The following SHMT1 variants were observed in gnomAD, a reference collection of about 807,000 sequenced individuals.
SHMT1 encodes the protein serine hydroxymethyltransferase, cytosolic.
Under a neutral mutation model 49.0 loss-of-function variants are expected in SHMT1, and 45 were observed. The observed-to-expected ratio is 0.92, with a 90% CI of 0.72 to 1.18. The LOEUF (loss-of-function observed/expected upper bound fraction) is 1.18, where lower values mean the gene tolerates loss of function less well. Ranked by LOEUF, SHMT1 falls within the 50% of genes most tolerant of loss-of-function variation. SHMT1 has a pLI of 0.00. For synonymous variants in SHMT1, 232 were observed against 246.6 expected (o/e 0.94, Z 0.55); for missense variants, 541 against 612.4 (o/e 0.88, Z 1.23).
At chr17:18,358,303 T>A (rs942398765) in intron 1 of SHMT1, among the ~76,000 whole-genome samples, 4 of 149,706 alleles carry the variant, frequency 2.7e-5, no homozygotes, top group African/African-American at 4.9e-5. Flanking sequence ...CATCCTGGCC[T>A]ACACGGTGAA....
Position 18,328,521 on chromosome 17 carries a change from A to C in SHMT1, c.*229T>G. Reference sequence around the variant, plus strand: ...AATTATGTCCAGCTGTGAGAAAGCCAGGTTCAAATTTAAATCCTTTAATAA... The same window carrying C: ...AATTATGTCCAGCTGTGAGAAAGCCCGGTTCAAATTTAAATCCTTTAATAA... On this transcript the variant is annotated 3_prime_UTR_variant, in exon 12 of 12. Coordinates refer to ENST00000316694, the MANE Select transcript of SHMT1 (RefSeq NM_004169.5). The C allele has an allele frequency of 3.5e-6, 2 of 569,492 alleles. No homozygotes were observed. The highest frequency in any genetic ancestry group is 4.2e-5 in the South Asian group (2 of 48,102). 35.3% of individuals were successfully genotyped at this position (569,492 alleles called of 1,614,324 possible). A position where few individuals can be genotyped will look rare whatever the true frequency, so the allele number is the denominator to read the frequency against.
At position 18,340,193 on chromosome 17, in the gene SHMT1, C is replaced by T. The variant is rs530339034; in HGVS notation, c.664G>A (p.Gly222Arg). The T allele has an allele frequency of 2.4e-5, 38 of 1,614,124 alleles. No homozygotes were observed. The highest frequency in any genetic ancestry group is 5.3e-5 in the African/African-American group (4 of 74,940). The change falls in exon 7 of 12, where the codon GGG (glycine) becomes AGG (arginine). Residue 222 changes from glycine (G) to arginine (R), a missense_variant. Gly to Arg is a moderately radical substitution (Grantham distance 125). Transcript: ENST00000316694. The surrounding 1 kb of genome is among the most constrained non-coding windows in gnomAD (Gnocchi z 4.5). Reference protein sequence around the residue: ...ARLRKIADENGAYLMADMAHI... With the variant: ...ARLRKIADENRAYLMADMAHI... Reference sequence around the variant, plus strand: ...GCCATGTCCGCCATGAGATACGCCCCGTTCTCATCTGCAATCTTCCGTAGC... The same window carrying T: ...GCCATGTCCGCCATGAGATACGCCCTGTTCTCATCTGCAATCTTCCGTAGC...
chr17:18,361,659 G>A (rs571552739), intron 1 of SHMT1, among the ~76,000 whole-genome samples: 10 of 151,452 alleles, frequency 6.6e-5, no homozygotes, highest in Non-Finnish European at 1.0e-4. Flanking sequence ...TGGTGGCGGC[G>A]CCTGTAGTCC....
At chr17:18,344,678 G>A (rs1056610637) in intron 5 of SHMT1, among the ~76,000 whole-genome samples, 8 of 148,632 alleles carry the variant, frequency 5.4e-5, no homozygotes, top group Non-Finnish European at 1.2e-4. Flanking sequence ...TTGAAAATGA[G>A]ACAAGAGAAC....
At chr17:18,338,403 G>T (rs1028005683) in intron 7 of SHMT1, among the ~76,000 whole-genome samples, 3 of 151,084 alleles carry the variant, frequency 2.0e-5, no homozygotes, top group East Asian at 2.0e-4. Flanking sequence ...GGAGGGAGGT[G>T]GGGGGCAGCC....
chr17:18,361,059 A>T (rs942102013), intron 1 of SHMT1, among the ~76,000 whole-genome samples: 1 of 152,066 alleles, frequency 6.6e-6, no homozygotes, highest in Non-Finnish European at 1.5e-5. Flanking sequence ...TAATCCAAGC[A>T]CTTTGGGAGG....
chr17:18,359,342 C>T (rs1382359073), intron 1 of SHMT1, among the ~76,000 whole-genome samples: 1 of 151,778 alleles, frequency 6.6e-6, no homozygotes, highest in African/African-American at 2.4e-5. Context: ...AGTTCAACCA[C>T]AGCCTAGGCA....
chr17:18,339,520 G>A (rs1984242502), intron 7 of SHMT1, among the ~76,000 whole-genome samples: 1 of 151,954 alleles, frequency 6.6e-6, no homozygotes, highest in African/African-American at 2.4e-5. Flanking sequence ...AGTGAAGCAG[G>A]AGCTGTGGCT....
At chr17:18,343,205 A>T (rs1984707387) in intron 5 of SHMT1, among the ~76,000 whole-genome samples, 1 of 150,986 alleles carries the variant, frequency 6.6e-6, no homozygotes, top group African/African-American at 2.4e-5. Flanking sequence ...AATTTGTTTA[A>T]AAAAAAAAGT....
intron 1 of SHMT1, among the ~76,000 whole-genome samples, chr17:18,360,781 A>G (rs189806250): frequency 1.3e-5 from 2 of 152,238 alleles, no homozygotes; most frequent in East Asian, 3.9e-4. Context: ...AAGGGTCAGA[A>G]ATCAGGCTTG....
At chr17:18,351,265 C>T (rs560781454) in intron 3 of SHMT1, among the ~76,000 whole-genome samples, 1 of 151,956 alleles carries the variant, frequency 6.6e-6, no homozygotes, top group South Asian at 2.1e-4. Flanking sequence ...CTTAGCCTCC[C>T]GAGTAGCTGG....
At chr17:18,331,254 G>C (rs1157124298) in intron 9 of SHMT1, 5 of 208,382 alleles carry the variant, frequency 2.4e-5, no homozygotes, top group African/African-American at 6.9e-5. Context: ...GTAGTGCCTT[G>C]GGTGCTGACA....
At chr17:18,336,260 G>A (rs1473515002) in intron 7 of SHMT1, among the ~76,000 whole-genome samples, 1 of 150,364 alleles carries the variant, frequency 6.7e-6, no homozygotes, top group African/African-American at 2.5e-5. Flanking sequence ...CTGGGTGACA[G>A]AGTGACATTC....
chr17:18,329,498 T>C, intron 10 of SHMT1, 110 bp from the exon 11 acceptor site: 1 of 854,360 alleles, frequency 1.2e-6, no homozygotes, highest in Non-Finnish European at 1.9e-6. Context: ...GGATACTGGC[T>C]GTCCCTAGCA....
intron 11 of SHMT1, 37 bp downstream of exon 11, chr17:18,329,241 C>G: frequency 3.5e-6 from 5 of 1,422,796 alleles, no homozygotes; most frequent in Non-Finnish European, 4.0e-6. Flanking sequence ...TAAATACACA[C>G]AATAAGATGT....
At position 18,340,373 on chromosome 17, in the gene SHMT1, C is replaced by A. The variant is rs1180616105; in HGVS notation, c.602-118G>T. On this transcript the variant is annotated intron_variant, in intron 6 of 11. Coordinates refer to ENST00000316694, the MANE Select transcript of SHMT1 (RefSeq NM_004169.5). The surrounding 1 kb of genome is among the most constrained non-coding windows in gnomAD (Gnocchi z 4.5). ...GCCCAGAGATTTCTTCCCTTAAAGT[C>A]TCAGAGCAAAAATGGAGAATGCCCT... is the stretch of plus-strand genomic sequence containing the variant. 1 of 1,119,804 alleles carries A rather than the reference C, an allele frequency of 8.9e-7. No homozygotes were observed. Among genetic ancestry groups the A allele is most frequent in the East Asian group, 2.5e-5 (1 of 39,838 alleles). The allele number at this position is 1,119,804 out of a possible 1,614,324, so 69.4% of individuals were successfully genotyped here. A position where few individuals can be genotyped will look rare whatever the true frequency, so the allele number is the denominator to read the frequency against.
chr17:18,339,839 C>T (rs565714834), intron 7 of SHMT1, among the ~76,000 whole-genome samples: 9 of 152,292 alleles, frequency 5.9e-5, no homozygotes, highest in Non-Finnish European at 8.8e-5. Context: ...GGATTACAGG[C>T]GCGAGCCACC....
intron 1 of SHMT1, among the ~76,000 whole-genome samples, chr17:18,360,984 A>G (rs1374310344): frequency 6.6e-6 from 1 of 152,156 alleles, no homozygotes; most frequent in African/African-American, 2.4e-5. Context: ...AGCCTGGCCA[A>G]TATGGTGAAA....
intron 5 of SHMT1, among the ~76,000 whole-genome samples, chr17:18,345,279 A>T (rs938997750): frequency 6.6e-6 from 1 of 151,810 alleles, no homozygotes; most frequent in South Asian, 2.1e-4. Context: ...TTTTCTGGAG[A>T]TGGAGTCTTG....
Sources: allele counts gnomAD v4.1 joint callset (sites outside exome capture counted in the v4.1 genomes callset), GRCh38; gene constraint gnomAD v4.1.1; non-coding constraint Gnocchi (gnomAD v3.1); transcripts MANE v1.5; gene names NCBI Gene and HGNC (gene_info 2026-07-23, HGNC 2026-07-21).